The following BNC2 variants were observed in gnomAD, a reference collection of about 807,000 sequenced individuals.
The protein encoded by BNC2 is zinc finger protein basonuclin-2.
Under a neutral mutation model 76.3 loss-of-function variants are expected in BNC2, and 20 were observed. The observed-to-expected ratio is 0.26, with a 90% CI of 0.18 to 0.38. The LOEUF (loss-of-function observed/expected upper bound fraction) is 0.38, where lower values mean the gene tolerates loss of function less well. BNC2 is among the 10% of genes least tolerant of loss of function. The pLI, the probability that BNC2 is intolerant of heterozygous loss-of-function variation, is 1.00. For synonymous variants in BNC2, 582 were observed against 514.8 expected (o/e 1.13, Z -1.77); for missense variants, 1,382 against 1,399.8 (o/e 0.99, Z 0.20).
chr9:16,690,993 T>C (rs758656967), intron 3 of BNC2, among the ~76,000 whole-genome samples: 3 of 152,130 alleles, frequency 2.0e-5, no homozygotes, highest in Non-Finnish European at 4.4e-5. Flanking sequence ...GGCTCTGTGA[T>C]AGGAGCAACC....
intron 5 of BNC2, among the ~76,000 whole-genome samples, chr9:16,541,204 G>A (rs569154948): frequency 8.3e-4 from 127 of 152,252 alleles, no homozygotes; most frequent in Non-Finnish European, 9.3e-4. Flanking sequence ...TGAATCCAAC[G>A]GAAAGTCACC....
At chr9:16,494,882 T>A (rs1370369349) in intron 5 of BNC2, among the ~76,000 whole-genome samples, 1 of 151,998 alleles carries the variant, frequency 6.6e-6, no homozygotes, top group Non-Finnish European at 1.5e-5. Flanking sequence ...CTAATGTAAA[T>A]GATGAGTTGA....
intron 4 of BNC2, among the ~76,000 whole-genome samples, chr9:16,555,512 T>C (rs1314707746): frequency 1.3e-5 from 2 of 152,176 alleles, no homozygotes; most frequent in Non-Finnish European, 2.9e-5. Flanking sequence ...TAAGTATGAA[T>C]ACAGCTGGGC....
chr9:16,709,488 G>T (rs1323567145), intron 3 of BNC2, among the ~76,000 whole-genome samples: 2 of 152,182 alleles, frequency 1.3e-5, no homozygotes, highest in Admixed American at 1.3e-4. Flanking sequence ...AGGAAGGGAA[G>T]AGAGAGTTAA....
At chr9:16,828,081 C>A (rs1227540499) in intron 1 of BNC2, among the ~76,000 whole-genome samples, 1 of 152,142 alleles carries the variant, frequency 6.6e-6, no homozygotes, top group African/African-American at 2.4e-5. Context: ...ACTATAAAGT[C>A]ATCCAAAATC....
chr9:16,833,163 C>T (rs1380822561), intron 1 of BNC2, among the ~76,000 whole-genome samples: 1 of 152,194 alleles, frequency 6.6e-6, no homozygotes, highest in Non-Finnish European at 1.5e-5. Context: ...ATCCACCCTT[C>T]TCTTGCCACC....
intron 5 of BNC2, among the ~76,000 whole-genome samples, chr9:16,485,051 A>G (rs1185723945): frequency 2.0e-5 from 3 of 152,108 alleles, no homozygotes; most frequent in Non-Finnish European, 4.4e-5. Flanking sequence ...TTAACAAAGA[A>G]GAACACATCA....
chr9:16,663,002 T>TTA (rs1822154600), intron 3 of BNC2, among the ~76,000 whole-genome samples: 1 of 152,142 alleles, frequency 6.6e-6, no homozygotes, highest in Admixed American at 6.5e-5. Flanking sequence ...TCTATTCTGG[T>TTA]TATACCCTTT....
chr9:16,427,003 C>T (rs1820815029), intron 6 of BNC2, among the ~76,000 whole-genome samples: 1 of 152,182 alleles, frequency 6.6e-6, no homozygotes, highest in African/African-American at 2.4e-5. Context: ...GTTCATCTTG[C>T]TGCCCAAGGA....
intron 5 of BNC2, among the ~76,000 whole-genome samples, chr9:16,497,978 GGTGTGTGTGT>G (rs34523754): frequency 0.015 from 2,005 of 134,844 alleles, 45 homozygotes; most frequent in African/African-American, 0.047. Context: ...AAGAAACTGT[GGTGTGTGTGT>G]GTGTGTGTGT....
At chr9:16,493,053 CATTTTTATTGAAAA>C (rs1822310907) in intron 5 of BNC2, among the ~76,000 whole-genome samples, 1 of 152,140 alleles carries the variant, frequency 6.6e-6, no homozygotes, top group Non-Finnish European at 1.5e-5. Flanking sequence ...TGCTTTATTT[CATTTTTATTGAAAA>C]ATTTCATAGA....
intron 1 of BNC2, among the ~76,000 whole-genome samples, chr9:16,852,765 T>G (rs1819157227): frequency 6.6e-6 from 1 of 151,682 alleles, no homozygotes; most frequent in South Asian, 2.1e-4. Flanking sequence ...CAGAGGAGAC[T>G]CTAGTGAAAT....
chr9:16,463,365 C>T (rs1177480091), intron 5 of BNC2, among the ~76,000 whole-genome samples: 4 of 129,438 alleles, frequency 3.1e-5, no homozygotes, highest in East Asian at 2.2e-4. Context: ...GGCGGGATCT[C>T]GGCTCACTGC....
At chr9:16,844,727 T>A (rs1191963429) in intron 1 of BNC2, among the ~76,000 whole-genome samples, 5 of 152,088 alleles carry the variant, frequency 3.3e-5, no homozygotes. Context: ...TCGGACTCCT[T>A]ACCTCAGGTG....
At chr9:16,479,854 G>A (rs1440790071) in intron 5 of BNC2, among the ~76,000 whole-genome samples, 1 of 152,182 alleles carries the variant, frequency 6.6e-6, no homozygotes, top group Non-Finnish European at 1.5e-5. Context: ...ATACTAAAAT[G>A]TTATCTGTAA....
intron 3 of BNC2, among the ~76,000 whole-genome samples, chr9:16,668,460 T>C (rs1269307151): frequency 6.6e-6 from 1 of 152,210 alleles, no homozygotes; most frequent in East Asian, 1.9e-4. Context: ...GGGTATACCA[T>C]ACATGAGTGA....
chr9:16,784,498 G>C (rs1826230252), intron 1 of BNC2, among the ~76,000 whole-genome samples: 1 of 152,114 alleles, frequency 6.6e-6, no homozygotes, highest in Non-Finnish European at 1.5e-5. Flanking sequence ...AATATGGATA[G>C]GACACAATAT....
chr9:16,442,488 C>G (rs1214576831), intron 5 of BNC2, among the ~76,000 whole-genome samples: 3 of 152,142 alleles, frequency 2.0e-5, no homozygotes, highest in African/African-American at 7.2e-5. Flanking sequence ...TTTCCCACAT[C>G]AAAGCACTTC....
At chr9:16,496,726 T>C (rs987035291) in intron 5 of BNC2, among the ~76,000 whole-genome samples, 6 of 152,228 alleles carry the variant, frequency 3.9e-5, no homozygotes, top group African/African-American at 1.4e-4. Context: ...ATATCTTTTT[T>C]AAAGATGGGG....
Sources: allele counts gnomAD v4.1 joint callset (sites outside exome capture counted in the v4.1 genomes callset), GRCh38; gene constraint gnomAD v4.1.1; transcripts MANE v1.5; gene names NCBI Gene and HGNC (gene_info 2026-07-23, HGNC 2026-07-21).